The following CEP85L variants were observed in gnomAD, a reference collection of about 807,000 sequenced individuals.
The protein encoded by CEP85L is centrosomal protein of 85 kDa-like.
In CEP85L, 60 loss-of-function variants were observed where a neutral mutation model predicts 100.3. The ratio of observed to expected loss-of-function variants is 0.60; its 90% CI spans 0.49 to 0.74. CEP85L has a LOEUF of 0.74. Ranked by LOEUF, CEP85L falls within the 30% of genes least tolerant of loss-of-function variation. The pLI is 0.00. For synonymous variants in CEP85L, 319 were observed against 322.7 expected, an observed-to-expected ratio of 0.99 and a Z score of 0.12; for missense variants, 973 against 936.2, an observed-to-expected ratio of 1.04 and a Z score of -0.51.
chr6:118,506,353 T>C (rs1413290710), intron 5 of CEP85L, among the ~76,000 whole-genome samples: 1 of 152,044 alleles, frequency 6.6e-6, no homozygotes, highest in African/African-American at 2.4e-5. Flanking sequence ...ATGATATAGG[T>C]GGACTCTGTG....
chr6:118,504,527 T>G (rs1775520020), intron 5 of CEP85L, among the ~76,000 whole-genome samples: 1 of 152,204 alleles, frequency 6.6e-6, no homozygotes, highest in African/African-American at 2.4e-5. Context: ...GATCTCCACA[T>G]TCCTTATCTC....
At chr6:118,662,866 T>C (rs1776020442) in intron 1 of CEP85L, among the ~76,000 whole-genome samples, 1 of 152,182 alleles carries the variant, frequency 6.6e-6, no homozygotes. Flanking sequence ...ACGATTTCAG[T>C]TATATATGTA....
At chr6:118,657,181 A>G (rs931348393), upstream of CEP85L, 2 of 152,298 alleles carry the variant, frequency 1.3e-5, no homozygotes, top group African/African-American at 4.8e-5. Flanking sequence ...AGGTCTACAC[A>G]GCATGATGAA....
intron 1 of CEP85L, among the ~76,000 whole-genome samples, chr6:118,644,608 T>G (rs1775068892): frequency 6.6e-6 from 1 of 152,118 alleles, no homozygotes; most frequent in Non-Finnish European, 1.5e-5. Flanking sequence ...CCCACTAACC[T>G]TCCCCATCTC....
intron 1 of CEP85L, among the ~76,000 whole-genome samples, chr6:118,666,523 A>C (rs1776138707): frequency 6.6e-6 from 1 of 152,112 alleles, no homozygotes; most frequent in Admixed American, 6.6e-5. Flanking sequence ...CTGTTCTAAG[A>C]GCTTCAGGGG....
chr6:118,658,942 CA>C (rs1775882511), intron 1 of CEP85L, among the ~76,000 whole-genome samples: 1 of 152,098 alleles, frequency 6.6e-6, no homozygotes, highest in Non-Finnish European at 1.5e-5. Context: ...ATTTCTTAAA[CA>C]GCCCTAATAT....
chr6:118,488,743 A>C (rs1261512630), intron 6 of CEP85L, among the ~76,000 whole-genome samples: 1 of 152,198 alleles, frequency 6.6e-6, no homozygotes, highest in African/African-American at 2.4e-5. Flanking sequence ...CCCCAAAGAA[A>C]TATGTACAAA....
chr6:118,603,525 CAGGT>C (rs1771960219), intron 2 of CEP85L, among the ~76,000 whole-genome samples: 1 of 152,146 alleles, frequency 6.6e-6, no homozygotes, highest in African/African-American at 2.4e-5. Context: ...CTGGAGAAAT[CAGGT>C]AGAGAGAAAT....
At chr6:118,645,741 G>A (rs968823463) in intron 1 of CEP85L, among the ~76,000 whole-genome samples, 2 of 152,152 alleles carry the variant, frequency 1.3e-5, no homozygotes, top group African/African-American at 4.8e-5. Context: ...ACAAGCCTCC[G>A]TAGAGCAAGA....
intron 3 of CEP85L, among the ~76,000 whole-genome samples, chr6:118,545,948 C>T (rs924567867): frequency 6.6e-6 from 1 of 152,134 alleles, no homozygotes; most frequent in Non-Finnish European, 1.5e-5. Flanking sequence ...ACCAAAAATA[C>T]ATTCAAACTA....
intron 2 of CEP85L, among the ~76,000 whole-genome samples, chr6:118,621,962 G>A (rs1342901557): frequency 6.6e-6 from 1 of 152,116 alleles, no homozygotes; most frequent in Non-Finnish European, 1.5e-5. Context: ...ACAGACCCTA[G>A]TACATGCTCC....
At chr6:118,539,932 T>C (rs896204526) in intron 3 of CEP85L, among the ~76,000 whole-genome samples, 1 of 152,222 alleles carries the variant, frequency 6.6e-6, no homozygotes, top group Non-Finnish European at 1.5e-5. Flanking sequence ...AATATCATTT[T>C]TAAAATGGTC....
intron 2 of CEP85L, among the ~76,000 whole-genome samples, chr6:118,597,759 A>G (rs1379380372): frequency 6.6e-6 from 1 of 152,206 alleles, no homozygotes; most frequent in Non-Finnish European, 1.5e-5. Context: ...ATAGTCATCT[A>G]TTCAGTGGTG....
chr6:118,551,783 C>G (rs1562252657), intron 3 of CEP85L, among the ~76,000 whole-genome samples: 1 of 151,934 alleles, frequency 6.6e-6, no homozygotes, highest in Non-Finnish European at 1.5e-5. Flanking sequence ...CAGTCTGGAC[C>G]AACAAAGCTC....
At chr6:118,685,543 TACA>T (rs140225039) in intron 1 of CEP85L, among the ~76,000 whole-genome samples, 4,114 of 152,266 alleles carry the variant, frequency 0.027, 83 homozygotes, top group African/African-American at 0.05. Flanking sequence ...ACTTTAAAAA[TACA>T]ACAACAAGAT....
In CEP85L at chr6:118,565,994, C is replaced by T. The variant is rs574547268; in HGVS notation, c.555G>A (p.Lys185=). The T allele has an allele frequency of 6.2e-7, 1 of 1,614,236 alleles. No homozygotes were observed. The highest frequency in any genetic ancestry group is 1.3e-5 in the African/African-American group (1 of 75,068). ...ATGTTAAAGCCTTAGCCTTCCCTAT[C>T]TTCTCCAAACCATTCCTTGACTCTT... is the stretch of plus-strand genomic sequence containing the variant. ...CREESRNGLE[K]IGKAKALTSQ... is the part of the protein sequence containing the mutation. The change falls in exon 3 of 13, where the codon AAG becomes AAA. Residue 185 remains lysine (K), a synonymous_variant. Coordinates refer to ENST00000368491, the MANE Select transcript of CEP85L (RefSeq NM_001042475.3).
chr6:118,518,577 T>A (rs1194678068), intron 4 of CEP85L, among the ~76,000 whole-genome samples: 5 of 152,204 alleles, frequency 3.3e-5, no homozygotes, highest in Non-Finnish European at 7.4e-5. Flanking sequence ...AGTGGTGATA[T>A]CCCCTTTATC....
intron 4 of CEP85L, among the ~76,000 whole-genome samples, chr6:118,515,894 C>T (rs938561242): frequency 9.9e-5 from 15 of 152,152 alleles, no homozygotes; most frequent in African/African-American, 3.4e-4. Context: ...TGCTATCCCT[C>T]CCCAAGACCC....
chr6:118,603,993 G>A (rs956323596), intron 2 of CEP85L, among the ~76,000 whole-genome samples: 3 of 152,106 alleles, frequency 2.0e-5, no homozygotes, highest in Admixed American at 6.5e-5. Context: ...ACATTAAGTC[G>A]TATTAGAATT....
Sources: gnomAD v4.1 joint callset for allele counts (sites outside exome capture counted in the v4.1 genomes callset) on GRCh38, gnomAD v4.1.1 for gene constraint, MANE v1.5 for transcripts, NCBI Gene and HGNC (gene_info 2026-07-23, HGNC 2026-07-21) for gene names.